PCDHAC1: variants seen among roughly 807,000 people sequenced by gnomAD.
PCDHAC1 encodes protocadherin alpha subfamily C, 1, also known as protocadherin alpha-C1.
PCDHAC1 carries 42 observed loss-of-function variants against 60.0 expected under a neutral mutation model. That is an observed-to-expected ratio of 0.70 (90% CI 0.55 to 0.90). PCDHAC1 has a LOEUF of 0.90. PCDHAC1 is among the 40% of genes least tolerant of loss of function. The probability of loss-of-function intolerance (pLI) is 0.00; values close to 1 mark genes in which losing one functional copy is unlikely to be tolerated. For synonymous variants in PCDHAC1, 468 were observed against 499.3 expected, an observed-to-expected ratio of 0.94 and a Z score of 0.84; for missense variants, 1,160 against 1,222.3, an observed-to-expected ratio of 0.95 and a Z score of 0.76.
intron 1 of PCDHAC1, among the ~76,000 whole-genome samples, chr5:140,940,287 C>T (rs190568424): frequency 6.6e-6 from 1 of 152,272 alleles, no homozygotes; most frequent in East Asian, 1.9e-4. Context: ...CATTGTGCTG[C>T]TTCATCAGTA....
intron 1 of PCDHAC1, among the ~76,000 whole-genome samples, chr5:140,964,823 G>A (rs541084771): frequency 2.6e-5 from 4 of 152,218 alleles, no homozygotes; most frequent in Non-Finnish European, 1.5e-5. Context: ...AGATTTTGAT[G>A]AAAATTGCTT....
intron 1 of PCDHAC1, chr5:140,968,033 G>A (rs1554230222): frequency 6.2e-7 from 1 of 1,614,074 alleles, no homozygotes; most frequent in African/African-American, 1.3e-5. Context: ...TACACTGGTG[G>A]TGAGCGGCCC....
At chr5:140,982,359 C>T in intron 2 of PCDHAC1, 116 bp from the exon 3 acceptor site, 1 of 1,523,712 alleles carries the variant, frequency 6.6e-7, no homozygotes. Context: ...CAAGCATGAG[C>T]AGAATGTGTT....
chr5:140,980,058 A>C (rs1554241393), intron 2 of PCDHAC1, among the ~76,000 whole-genome samples: 1 of 152,254 alleles, frequency 6.6e-6, no homozygotes, highest in Non-Finnish European at 1.5e-5. Context: ...ATTCAGAAGC[A>C]ATCAGTGAAG....
chr5:140,993,446 TCTC>T (rs1262965335), intron 3 of PCDHAC1, among the ~76,000 whole-genome samples: 4 of 146,376 alleles, frequency 2.7e-5, no homozygotes, highest in Non-Finnish European at 6.0e-5. Flanking sequence ...TCATTCCTGT[TCTC>T]CTTCTTTCTT....
intron 1 of PCDHAC1, among the ~76,000 whole-genome samples, chr5:140,978,200 C>T (rs2096792236): frequency 6.6e-6 from 1 of 152,220 alleles, no homozygotes. Context: ...TTTCAATACA[C>T]AACTAATGCA....
chr5:140,946,631 T>TATATATATATATATATATACAC lies in PCDHAC1; in HGVS notation c.2433+17307_2433+17308insTATATATATATATATATACACA, dbSNP rs57893927. Among the ~76,000 whole-genome samples the TATATATATATATATATATACAC allele has an allele frequency of 6.1e-4, 80 of 131,840 alleles. 1 individual carries two copies. The East Asian group carries it at 6.6e-3, about 11-fold the overall frequency. The allele number at this position is 131,840 out of a possible 152,430, so 86.5% of individuals were successfully genotyped here. A position where few individuals can be genotyped will look rare whatever the true frequency, so the allele number is the denominator to read the frequency against. ...TGTGAAATATATATATATATATATATACAATGGAATACTCATCAGCCATTA... is the reference window on the plus strand; with the variant it reads ...TGTGAAATATATATATATATATATATATATATATATATATATATACACACAATGGAATACTCATCAGCCATTA... On this transcript the variant is annotated intron_variant, in intron 1 of 3. Transcript: ENST00000253807.
At chr5:140,966,268 A>C (rs542154117) in intron 1 of PCDHAC1, 5 of 351,754 alleles carry the variant, frequency 1.4e-5, no homozygotes, top group African/African-American at 1.0e-4. Context: ...AGACTGGATG[A>C]ACTGGACAGT....
chr5:140,942,924 T>A (rs2093394309), intron 1 of PCDHAC1, among the ~76,000 whole-genome samples: 1 of 151,518 alleles, frequency 6.6e-6, no homozygotes, highest in African/African-American at 2.4e-5. Context: ...AAAAAAAAAA[T>A]TGAAAAAGAG....
chr5:140,959,835 C>T (rs1554224346), intron 1 of PCDHAC1, among the ~76,000 whole-genome samples: 2 of 152,042 alleles, frequency 1.3e-5, no homozygotes, highest in East Asian at 1.9e-4. Flanking sequence ...ATGTATTATG[C>T]CTGTAACTGC....
chr5:140,989,948 C>T (rs1046056940), intron 3 of PCDHAC1, among the ~76,000 whole-genome samples: 2 of 151,988 alleles, frequency 1.3e-5, no homozygotes, highest in Admixed American at 6.6e-5. Context: ...ACGTTTTTCT[C>T]GGTGAGACCA....
At position 141,009,870 on chromosome 5, in the gene PCDHAC1, A is replaced by G. The variant is rs1554262513; in HGVS notation, c.2825A>G (p.Lys942Arg). 1.9e-6 allele frequency: 3 copies of G among 1,614,114 alleles called. No homozygotes were observed. Among genetic ancestry groups the G allele is most frequent in the South Asian group, 2.2e-5 (2 of 91,074 alleles). ...GAGACCAAGAAAAAGAAGAAAAAGA[A>G]GAAGGGTAACAAGACCCAGGAGAAA... ...KEETKKKKKK[K>R]KGNKTQEKKE... The change falls in exon 4 of 4, where the codon AAG (lysine) becomes AGG (arginine). Residue 942 changes from lysine to arginine, a missense_variant. Physicochemically the swap from Lys to Arg is conservative, Grantham distance 26. This residue lies in a region of PCDHAC1 where 1,113 missense variants were observed against 1,163.7 expected (regional missense o/e 0.96). Coordinates refer to ENST00000253807, the MANE Select transcript of PCDHAC1 (RefSeq NM_018898.5).
Position 140,929,153 on chromosome 5 carries a change from A to G in PCDHAC1, c.2261A>G (p.Tyr754Cys), listed in dbSNP as rs1554206749. The change falls in exon 1 of 4, where the codon TAT (tyrosine) becomes TGT (cysteine). Residue 754 changes from tyrosine (Y) to cysteine (C), a missense_variant. This residue lies in a region of PCDHAC1 where 1,113 missense variants were observed against 1,163.7 expected (regional missense o/e 0.96). Coordinates refer to ENST00000253807, the MANE Select transcript of PCDHAC1 (RefSeq NM_018898.5). ...ACAGTTGAGAGACTTTCTCAGACTTATCTCTATCGGGCCTCTCTGGGACTT... is the reference window on the plus strand; with the variant it reads ...ACAGTTGAGAGACTTTCTCAGACTTGTCTCTATCGGGCCTCTCTGGGACTT... ...VTTVERLSQT[Y>C]LYRASLGLGS... is the part of the protein sequence containing the mutation. The G allele has an allele frequency of 6.2e-7, 1 of 1,614,164 alleles. No homozygotes were observed. Among genetic ancestry groups the G allele is most frequent in the East Asian group, 2.2e-5 (1 of 44,884 alleles).
At chr5:140,954,406 G>A (rs556455987) in intron 1 of PCDHAC1, among the ~76,000 whole-genome samples, 2 of 152,268 alleles carry the variant, frequency 1.3e-5, no homozygotes, top group East Asian at 3.9e-4. Flanking sequence ...CACCAACAGG[G>A]TAAAGGTGTT....
chr5:140,954,046 G>T (rs1554221229), intron 1 of PCDHAC1, among the ~76,000 whole-genome samples: 1 of 152,124 alleles, frequency 6.6e-6, no homozygotes, highest in East Asian at 1.9e-4. Context: ...TTGGTTTTCT[G>T]TTCCTGCATT....
rs184537292 is a variant in PCDHAC1, at chr5:140,970,210, C to T, written c.2434-8739C>T. Among the ~76,000 whole-genome samples, 8 of 152,308 alleles carry T rather than the reference C, an allele frequency of 5.3e-5. No homozygotes were observed. The East Asian group carries it at 1.5e-3, about 29-fold the overall frequency. On this transcript the variant is annotated intron_variant, in intron 1 of 3. Transcript: ENST00000253807. Reference sequence around the variant, plus strand: ...TGTAAGAGGATTTCCCTGAATTTAGCTTAAATGCAGCCTGTAATCTTCTGA... The same window carrying T: ...TGTAAGAGGATTTCCCTGAATTTAGTTTAAATGCAGCCTGTAATCTTCTGA...
At chr5:140,948,861 A>G (rs1298940496) in intron 1 of PCDHAC1, among the ~76,000 whole-genome samples, 1 of 151,528 alleles carries the variant, frequency 6.6e-6, no homozygotes, top group African/African-American at 2.4e-5. Flanking sequence ...TTCTTATATT[A>G]CTTCGGGTTT....
At chr5:141,002,435 C>A (rs958320342) in intron 3 of PCDHAC1, among the ~76,000 whole-genome samples, 3 of 152,280 alleles carry the variant, frequency 2.0e-5, no homozygotes, top group South Asian at 2.1e-4. Flanking sequence ...AGGCAATAAC[C>A]ATAATAATTG....
chr5:140,965,401 A>G (rs546046699), intron 1 of PCDHAC1, among the ~76,000 whole-genome samples: 2 of 152,284 alleles, frequency 1.3e-5, no homozygotes, highest in African/African-American at 4.8e-5. Flanking sequence ...AAGTCTAAGG[A>G]GTCTTATATT....
Sources: allele counts gnomAD v4.1 joint callset (sites outside exome capture counted in the v4.1 genomes callset), GRCh38; gene constraint gnomAD v4.1.1; regional missense constraint gnomAD v4.1.1; transcripts MANE v1.5; gene names NCBI Gene and HGNC (gene_info 2026-07-23, HGNC 2026-07-21).